The following CHSY3 variants were observed in gnomAD, a reference collection of about 807,000 sequenced individuals.
CHSY3 encodes N-acetylgalactosaminyl-proteoglycan 3-beta-glucuronosyltransferase 3.
In CHSY3, 35 loss-of-function variants were observed where a neutral mutation model predicts 67.2. The observed-to-expected ratio is 0.52, with a 90% CI of 0.40 to 0.69. The LOEUF is 0.69. Ranked by LOEUF, CHSY3 falls within the 30% of genes least tolerant of loss-of-function variation. The pLI, the probability that CHSY3 is intolerant of heterozygous loss-of-function variation, is 0.00. For synonymous variants in CHSY3, 474 were observed against 434.7 expected, an observed-to-expected ratio of 1.09 and a Z score of -1.12; for missense variants, 1,069 against 1,138.5, an observed-to-expected ratio of 0.94 and a Z score of 0.88.
chr5:130,095,657 A>G (rs995507505), intron 2 of CHSY3, among the ~76,000 whole-genome samples: 3 of 152,264 alleles, frequency 2.0e-5, no homozygotes, highest in African/African-American at 7.2e-5. Flanking sequence ...CACTATTAGA[A>G]TATCACAGTA....
chr5:129,981,276 A>C (rs1043858502), intron 2 of CHSY3, among the ~76,000 whole-genome samples: 1 of 151,622 alleles, frequency 6.6e-6, no homozygotes, highest in Admixed American at 6.6e-5. Context: ...TCTGAGCTTT[A>C]TTTTGTGTTT....
intron 2 of CHSY3, among the ~76,000 whole-genome samples, chr5:130,094,534 A>T (rs573343052): frequency 6.6e-6 from 1 of 152,298 alleles, no homozygotes; most frequent in African/African-American, 2.4e-5. Context: ...TCAGGAGTGA[A>T]GAGTTTCTTA....
At chr5:130,068,484 C>T (rs570273823) in intron 2 of CHSY3, among the ~76,000 whole-genome samples, 1 of 152,044 alleles carries the variant, frequency 6.6e-6, no homozygotes, top group African/African-American at 2.4e-5. Context: ...ACAACAACAA[C>T]AAAAACTATA....
intron 2 of CHSY3, among the ~76,000 whole-genome samples, chr5:130,063,880 A>T (rs1410471916): frequency 6.6e-6 from 1 of 152,008 alleles, no homozygotes; most frequent in East Asian, 1.9e-4. Context: ...TGGCCTAATC[A>T]CCCCTAGAAG....
At chr5:129,951,773 A>AT (rs1762030635) in intron 2 of CHSY3, among the ~76,000 whole-genome samples, 2 of 152,188 alleles carry the variant, frequency 1.3e-5, no homozygotes, top group African/African-American at 4.8e-5. Flanking sequence ...TGTAATTTAC[A>AT]TTTTCTTAAA....
intron 2 of CHSY3, among the ~76,000 whole-genome samples, chr5:129,927,466 G>T (rs1012059513): frequency 6.6e-6 from 1 of 151,836 alleles, no homozygotes; most frequent in Non-Finnish European, 1.5e-5. Context: ...TGTAAAACTT[G>T]AATTGCATTT....
At chr5:130,165,171 G>T (rs769388501) in intron 2 of CHSY3, among the ~76,000 whole-genome samples, 2 of 152,180 alleles carry the variant, frequency 1.3e-5, no homozygotes, top group East Asian at 3.9e-4. Flanking sequence ...GCCTCATGTT[G>T]CATCATGGAG....
intron 2 of CHSY3, among the ~76,000 whole-genome samples, chr5:130,004,675 T>A (rs185598225): frequency 2.3e-3 from 351 of 152,298 alleles, no homozygotes; most frequent in African/African-American, 8.1e-3. Context: ...TCTGAATTAT[T>A]TGCAGGTTTC....
chr5:130,055,731 C>T (rs895520166), intron 2 of CHSY3, among the ~76,000 whole-genome samples: 3 of 151,874 alleles, frequency 2.0e-5, no homozygotes, highest in Non-Finnish European at 4.4e-5. Flanking sequence ...CCACTGCCAC[C>T]GGAAGCACTG....
At chr5:129,969,471 G>A (rs545462344) in intron 2 of CHSY3, among the ~76,000 whole-genome samples, 1 of 151,868 alleles carries the variant, frequency 6.6e-6, no homozygotes, top group South Asian at 2.1e-4. Context: ...TATACTGATT[G>A]CATGCTAAAC....
At chr5:129,976,927 TA>T (rs1762827292) in intron 2 of CHSY3, among the ~76,000 whole-genome samples, 1 of 150,896 alleles carries the variant, frequency 6.6e-6, no homozygotes, top group South Asian at 2.1e-4. Context: ...TATATATATA[TA>T]TATATGATAT....
chr5:130,021,874 T>C (rs998835754), intron 2 of CHSY3, among the ~76,000 whole-genome samples: 3 of 152,134 alleles, frequency 2.0e-5, no homozygotes, highest in Non-Finnish European at 4.4e-5. Flanking sequence ...AAAAAGGAGA[T>C]AGTCATCATT....
chr5:129,925,173 G>A (rs1264012765), intron 2 of CHSY3, among the ~76,000 whole-genome samples: 2 of 152,164 alleles, frequency 1.3e-5, no homozygotes, highest in Non-Finnish European at 2.9e-5. Flanking sequence ...GGTGACATTT[G>A]AGCCCAGAAG....
chr5:129,919,113 CAAAAAAAAAA>C (rs35333880), intron 2 of CHSY3, among the ~76,000 whole-genome samples: 1 of 73,422 alleles, frequency 1.4e-5, no homozygotes, highest in African/African-American at 5.7e-5. Flanking sequence ...GACTCCGTCT[CAAAAAAAAAA>C]AAAAAAAAAA....
At chr5:130,017,434 C>T (rs1764247271) in intron 2 of CHSY3, among the ~76,000 whole-genome samples, 1 of 151,938 alleles carries the variant, frequency 6.6e-6, no homozygotes, top group African/African-American at 2.4e-5. Flanking sequence ...TTTGCAAGCA[C>T]TGGTGTGGTG....
At chr5:129,941,271 G>A (rs1761690047) in intron 2 of CHSY3, among the ~76,000 whole-genome samples, 1 of 152,046 alleles carries the variant, frequency 6.6e-6, no homozygotes, top group Non-Finnish European at 1.5e-5. Flanking sequence ...GATTTATTGG[G>A]ATGTAACCCC....
intron 2 of CHSY3, among the ~76,000 whole-genome samples, chr5:130,081,843 T>A (rs1181144489): frequency 1.3e-5 from 2 of 152,154 alleles, no homozygotes; most frequent in East Asian, 3.9e-4. Context: ...CACTCTCGGA[T>A]GTTTCTTCAT....
intron 2 of CHSY3, among the ~76,000 whole-genome samples, chr5:129,952,622 T>C (rs1762054840): frequency 6.6e-6 from 1 of 152,212 alleles, no homozygotes; most frequent in East Asian, 1.9e-4. Flanking sequence ...CAATTTCTTC[T>C]TTATAGAATT....
intron 2 of CHSY3, among the ~76,000 whole-genome samples, chr5:130,073,811 T>C (rs1217516240): frequency 6.6e-6 from 1 of 152,204 alleles, no homozygotes; most frequent in Non-Finnish European, 1.5e-5. Context: ...TTATTTCTTA[T>C]CTGATTTTCA....
Sources: allele counts gnomAD v4.1 joint callset (sites outside exome capture counted in the v4.1 genomes callset), GRCh38; gene constraint gnomAD v4.1.1; transcripts MANE v1.5; gene names NCBI Gene and HGNC (gene_info 2026-07-23, HGNC 2026-07-21).